DSG2: variants seen among roughly 807,000 people sequenced by gnomAD.
DSG2 encodes the protein desmoglein-2.
DSG2 carries 45 observed loss-of-function variants against 75.6 expected under a neutral mutation model. That is an observed-to-expected ratio of 0.60 (90% CI 0.47 to 0.76). The LOEUF is 0.76. DSG2 is among the 30% of genes least tolerant of loss of function. DSG2 has a pLI of 0.00. For synonymous variants in DSG2, 429 were observed against 483.9 expected (o/e 0.89, Z 1.49); for missense variants, 1,267 against 1,357.4 (o/e 0.93, Z 1.05).
At chr18:31,539,838 G>C (rs1264251416) in intron 12 of DSG2, among the ~76,000 whole-genome samples, 1 of 152,170 alleles carries the variant, frequency 6.6e-6, no homozygotes, top group Non-Finnish European at 1.5e-5. Flanking sequence ...TGTATTTACA[G>C]CCACTCCCCA....
intron 14 of DSG2, among the ~76,000 whole-genome samples, chr18:31,544,886 G>T (rs923431327): frequency 4.6e-5 from 7 of 151,986 alleles, no homozygotes; most frequent in African/African-American, 1.7e-4. Flanking sequence ...TAAGGGGAGG[G>T]GCTTCCATTG....
rs1246907472 is a variant in DSG2 at position 31,547,709 on chromosome 18, T to C, written c.*966T>C. The C allele has an allele frequency of 1.3e-5, 2 of 151,740 alleles. No individual in the cohort carries two copies. The highest frequency in any genetic ancestry group is 4.8e-5 in the African/African-American group (2 of 41,284). 9.4% of individuals were successfully genotyped at this position (151,740 alleles called of 1,614,324 possible). A position where few individuals can be genotyped will look rare whatever the true frequency, so the allele number is the denominator to read the frequency against. On this transcript the variant is annotated 3_prime_UTR_variant, in exon 15 of 15. Transcript: ENST00000261590. ...AAAAGAAAAGGAAAAAAAAATAGCA[T>C]TATACCTCTTCCTTGTCTCAACCGC... is the stretch of plus-strand genomic sequence containing the variant.
chr18:31,518,733 A>C (rs543640091), intron 2 of DSG2, among the ~76,000 whole-genome samples: 5 of 152,274 alleles, frequency 3.3e-5, no homozygotes, highest in Admixed American at 2.6e-4. Context: ...AGTAAAAAAA[A>C]AAATCAATGA....
At position 31,535,388 on chromosome 18, in the gene DSG2, G is replaced by A. The variant is rs727504533; in HGVS notation, c.1399G>A (p.Val467Ile). 31 of 1,611,598 alleles carry A rather than the reference G, an allele frequency of 1.9e-5. No homozygotes were observed. Among genetic ancestry groups the A allele is most frequent in the Non-Finnish European group, 2.5e-5 (30 of 1,178,264 alleles). ...SRYVQNGTYT[V>I]KIVAISEDYP... ...ATATGTTCAAAATGGCACATACACT[G>A]TAAAGATTGTGGCCATATCAGAAGG... is the stretch of plus-strand genomic sequence containing the variant. The change falls in exon 10 of 15, where the codon GTA becomes ATA. Residue 467 changes from valine to isoleucine, a missense_variant. Coordinates refer to ENST00000261590, the MANE Select transcript of DSG2 (RefSeq NM_001943.5).
chr18:31,519,715 T>C, intron 2 of DSG2, 88 bp from the exon 3 acceptor site: 2 of 1,439,822 alleles, frequency 1.4e-6, no homozygotes, highest in Non-Finnish European at 1.9e-6. Context: ...ATTTGCACTA[T>C]TTAAAAGTTT....
intron 1 of DSG2, among the ~76,000 whole-genome samples, chr18:31,500,910 C>T (rs1038807004): frequency 3.9e-5 from 6 of 152,148 alleles, no homozygotes; most frequent in East Asian, 1.9e-4. Flanking sequence ...TAACTAACTT[C>T]GGACTGAAAT....
In DSG2 at chr18:31,533,698, T is replaced by C. The variant is rs142277383; in HGVS notation, c.1281-1572T>C. Among the ~76,000 whole-genome samples the C allele has an allele frequency of 1.4e-4, 21 of 152,322 alleles. No homozygotes were observed. The East Asian group carries it at 3.7e-3, about 27-fold the overall frequency. ...AGCAACTTATGTCTAAGCTTTAAAA[T>C]TTCAGACATGAAATTCAAAACTAAT... is the stretch of plus-strand genomic sequence containing the variant. On this transcript the variant is annotated intron_variant, in intron 9 of 14. Coordinates refer to ENST00000261590, the MANE Select transcript of DSG2 (RefSeq NM_001943.5).
Position 31,531,177 on chromosome 18 carries a change from A to G in DSG2, c.1205A>G (p.Asp402Gly), listed in dbSNP as rs747853779. Reference protein sequence around the residue: ...VISIYVSESMDRSSKGQIIGN... With the variant: ...VISIYVSESMGRSSKGQIIGN... The stretch of plus-strand genomic sequence containing the variant: ...TCAATTTATGTTAGCGAGAGCATGG[A>G]TAGATCAAGCAAAGGCCAAATAATT... Residue 402 changes from aspartate to glycine, a missense_variant, in exon 9 of 15, where the codon GAT becomes GGT. Coordinates refer to ENST00000261590, the MANE Select transcript of DSG2 (RefSeq NM_001943.5). 2 of 1,614,198 alleles carry G rather than the reference A, an allele frequency of 1.2e-6. No individual in the cohort carries two copies. The highest frequency in any genetic ancestry group is 3.3e-5 in the Admixed American group (2 of 60,032).
chr18:31,509,857 A>G (rs1598804678), intron 1 of DSG2, among the ~76,000 whole-genome samples: 1 of 152,228 alleles, frequency 6.6e-6, no homozygotes, highest in Admixed American at 6.5e-5. Flanking sequence ...ACAAATAGAA[A>G]AGTCAGGATG....
In DSG2 at chr18:31,524,554, A is replaced by T; in HGVS notation, c.797A>T (p.Asn266Ile). The T allele has an allele frequency of 6.2e-7, 1 of 1,614,120 alleles. No homozygotes were observed. The highest frequency in any genetic ancestry group is 8.5e-7 in the Non-Finnish European group (1 of 1,179,960). The change falls in exon 7 of 15, where the codon AAT becomes ATT. Residue 266 changes from asparagine to isoleucine, a missense_variant. By Grantham distance (149) the Asn-to-Ile change is moderately radical (BLOSUM62 -3). Transcript: ENST00000261590. The stretch of plus-strand genomic sequence containing the variant: ...GTTCAGATTCGTATTTTGGATGTCA[A>T]TGACAATATACCTGTAGTAGAAAAT... ...AQVQIRILDV[N>I]DNIPVVENKV...
intron 1 of DSG2, among the ~76,000 whole-genome samples, chr18:31,499,808 A>G (rs554892894): frequency 1.3e-5 from 2 of 152,308 alleles, no homozygotes; most frequent in African/African-American, 2.4e-5. Flanking sequence ...CAAATTAGGC[A>G]TATCTTTCAT....
chr18:31,536,184 TTC>T lies in DSG2; in HGVS notation c.1424-12_1424-11del, dbSNP rs2073228846. The T allele has an allele frequency of 1.9e-6, 3 of 1,611,210 alleles. No homozygotes were observed. Among genetic ancestry groups the T allele is most frequent in the African/African-American group, 1.3e-5 (1 of 74,878 alleles). The stretch of plus-strand genomic sequence containing the variant: ...AATAGGAACAGAATGTACATACTTT[TTC>T]TCTCTTATTTTTAAGATTATCCTAG... On this transcript the variant is annotated splice_polypyrimidine_tract_variant and intron_variant, in intron 10 of 14. Coordinates refer to ENST00000261590, the MANE Select transcript of DSG2 (RefSeq NM_001943.5).
chr18:31,541,395 G>T (rs2073267205), intron 13 of DSG2, 81 bp downstream of exon 13: 6 of 1,544,170 alleles, frequency 3.9e-6, no homozygotes, highest in African/African-American at 1.4e-5. Flanking sequence ...TACATGTTTG[G>T]TTGAGTGAGT....
At chr18:31,505,068 T>C (rs950847775) in intron 1 of DSG2, among the ~76,000 whole-genome samples, 2 of 152,182 alleles carry the variant, frequency 1.3e-5, no homozygotes, top group African/African-American at 2.4e-5. Flanking sequence ...ACTAGCGACA[T>C]AGTCTCCCTA....
Position 31,545,828 on chromosome 18 carries a change from C to T in DSG2, c.2442C>T (p.Cys814=), listed in dbSNP as rs1394059699. Reference sequence around the variant, plus strand: ...CGCTGAATGCTTCTATTGGTTGTTGCAGTTTTATTGAAGGAGAGCTAGATG... The same window carrying T: ...CGCTGAATGCTTCTATTGGTTGTTGTAGTTTTATTGAAGGAGAGCTAGATG... ...TESLNASIGC[C]SFIEGELDDR... is the part of the protein sequence containing the mutation. The change falls in exon 15 of 15, where the codon TGC becomes TGT. Residue 814 remains cysteine (C), a synonymous_variant. Transcript: ENST00000261590. 3 of 1,614,008 alleles carry T rather than the reference C, an allele frequency of 1.9e-6. No individual in the cohort carries two copies. The highest frequency in any genetic ancestry group is 2.5e-6 in the Non-Finnish European group (3 of 1,180,034).
rs564505027 is a variant in DSG2, at chr18:31,535,198, A to C, written c.1281-72A>C. On this transcript the variant is annotated intron_variant, in intron 9 of 14. Transcript: ENST00000261590. The stretch of plus-strand genomic sequence containing the variant: ...TTAAAGAGAAGAAAAGTAAGCTTGA[A>C]AGAGCTGTAGATGTTAGAGGTTTCC... The C allele has an allele frequency of 1.4e-3, 1,444 of 1,002,808 alleles. 29 individuals carry two copies. In the South Asian group the frequency reaches 0.019, roughly 14 times the overall value. The allele number at this position is 1,002,808 out of a possible 1,614,324, so 62.1% of individuals were successfully genotyped here.
rs368718022 is a variant in DSG2 at position 31,536,383 on chromosome 18, C to G, written c.1605C>G (p.Asp535Glu). The change falls in exon 11 of 15, where the codon GAC becomes GAG. Residue 535 changes from aspartate (D) to glutamate (E), a missense_variant. By Grantham distance (45) the Asp-to-Glu change is conservative. Coordinates refer to ENST00000261590, the MANE Select transcript of DSG2 (RefSeq NM_001943.5). ...GCCCTTTCAGTTTCTCCGTCATTGA[C>G]AAACCACCTGGCATGGCAGAAAAAT... Reference protein sequence around the residue: ...NSGPFSFSVIDKPPGMAEKWK... With the variant: ...NSGPFSFSVIEKPPGMAEKWK... 6.2e-7 allele frequency: 1 copy of G among 1,614,122 alleles called. No homozygotes were observed. Among genetic ancestry groups the G allele is most frequent in the African/African-American group, 1.3e-5 (1 of 75,036 alleles).
intron 14 of DSG2, 72 bp downstream of exon 14, chr18:31,542,924 G>A: frequency 9.2e-7 from 1 of 1,091,752 alleles, no homozygotes; most frequent in Non-Finnish European, 1.2e-6. Flanking sequence ...ATATTATTAG[G>A]GTAATCATTG....
intron 8 of DSG2, among the ~76,000 whole-genome samples, chr18:31,525,345 G>A (rs576419510): frequency 2.6e-5 from 4 of 151,296 alleles, no homozygotes; most frequent in Admixed American, 6.6e-5. Flanking sequence ...GCAAATCCCC[G>A]CTTCTACGAA....
Sources: allele counts gnomAD v4.1 joint callset (sites outside exome capture counted in the v4.1 genomes callset), GRCh38; gene constraint gnomAD v4.1.1; transcripts MANE v1.5; gene names NCBI Gene and HGNC (gene_info 2026-07-23, HGNC 2026-07-21).